Variants in MARCHF1 observed in about 807,000 individuals in gnomAD.
MARCHF1 encodes E3 ubiquitin-protein ligase MARCHF1.
A neutral mutation model predicts 54.2 loss-of-function variants in MARCHF1; 40 were observed. That is an observed-to-expected ratio of 0.74 (90% CI 0.57 to 0.96). MARCHF1 has a LOEUF of 0.96. MARCHF1 is among the 40% of genes least tolerant of loss of function. The probability of loss-of-function intolerance (pLI) is 0.00; values close to 1 mark genes in which losing one functional copy is unlikely to be tolerated. For missense variants in MARCHF1, 586 were observed against 656.5 expected (o/e 0.89, Z 1.17); for synonymous variants, 236 against 236.3 (o/e 1.00, Z 0.01).
At chr4:164,173,000 A>C (rs1000243040) in intron 1 of MARCHF1, among the ~76,000 whole-genome samples, 1 of 147,716 alleles carries the variant, frequency 6.8e-6, no homozygotes, top group African/African-American at 2.5e-5. Context: ...AAAAAAAGTC[A>C]CTGTAATAGT....
chr4:164,008,989 G>T (rs1478350186), intron 2 of MARCHF1, among the ~76,000 whole-genome samples: 1 of 151,756 alleles, frequency 6.6e-6, no homozygotes, highest in Non-Finnish European at 1.5e-5. Context: ...ATGAAATTGA[G>T]ACCAAAAAGT....
intron 1 of MARCHF1, among the ~76,000 whole-genome samples, chr4:164,320,821 G>T (rs1281318373): frequency 6.6e-6 from 1 of 152,088 alleles, no homozygotes; most frequent in Admixed American, 6.5e-5. Flanking sequence ...CTGGGGGGTT[G>T]TAGGTTGGGA....
At chr4:163,882,984 A>T (rs10030032) in intron 3 of MARCHF1, among the ~76,000 whole-genome samples, 1 of 152,044 alleles carries the variant, frequency 6.6e-6, no homozygotes, top group East Asian at 1.9e-4. Flanking sequence ...CTCAAATAAT[A>T]TATTTATTTC....
At chr4:163,977,974 A>G (rs1024614652) in intron 3 of MARCHF1, among the ~76,000 whole-genome samples, 1 of 152,254 alleles carries the variant, frequency 6.6e-6, no homozygotes, top group Non-Finnish European at 1.5e-5. Flanking sequence ...AATAGTTACC[A>G]AAATAACAAA....
intron 1 of MARCHF1, chr4:164,188,727 T>C: frequency 9.6e-7 from 1 of 1,038,532 alleles, no homozygotes; most frequent in African/African-American, 1.6e-5. Context: ...TTCTTGCGGT[T>C]CAAGGTAGTT....
chr4:163,962,332 T>G (rs1205308685), intron 3 of MARCHF1, among the ~76,000 whole-genome samples: 3 of 151,864 alleles, frequency 2.0e-5, no homozygotes, highest in African/African-American at 7.2e-5. Flanking sequence ...TGTGCTAGGT[T>G]CTAGTAAACA....
Position 163,627,028 on chromosome 4 carries a change from T to C in MARCHF1, c.163-13635A>G, listed in dbSNP as rs990933647. ...TGTGAAAAATTTATTTAATGTCTAA[T>C]AAAGATAAATTTTTAGAATGTACTT... is the stretch of plus-strand genomic sequence containing the variant. On this transcript the variant is annotated intron_variant, in intron 5 of 9. Coordinates refer to ENST00000514618, the MANE Select transcript of MARCHF1 (RefSeq NM_001394959.1). Among the ~76,000 whole-genome samples, 4 of 152,222 alleles carry C rather than the reference T, an allele frequency of 2.6e-5. No homozygotes were observed. In the East Asian group the frequency reaches 7.7e-4, roughly 29 times the overall value.
At chr4:163,629,689 G>C (rs1308997156) in intron 5 of MARCHF1, among the ~76,000 whole-genome samples, 1 of 151,920 alleles carries the variant, frequency 6.6e-6, no homozygotes, top group Admixed American at 6.6e-5. Context: ...CAGAATCTAA[G>C]GGGGCTAGGG....
At chr4:164,017,120 T>C (rs984823945) in intron 2 of MARCHF1, among the ~76,000 whole-genome samples, 1 of 152,042 alleles carries the variant, frequency 6.6e-6, no homozygotes, top group East Asian at 1.9e-4. Context: ...ATTAATGTAT[T>C]CCTTTATACT....
intron 2 of MARCHF1, among the ~76,000 whole-genome samples, chr4:163,998,331 T>C (rs556412746): frequency 6.6e-6 from 1 of 151,568 alleles, no homozygotes; most frequent in South Asian, 2.1e-4. Context: ...GATCTTTCAA[T>C]ACTCTAAAGC....
chr4:164,214,365 G>T (rs190674826), intron 1 of MARCHF1, among the ~76,000 whole-genome samples: 15 of 152,120 alleles, frequency 9.9e-5, no homozygotes, highest in Admixed American at 9.2e-4. Flanking sequence ...GTACTTGCAA[G>T]TCTACAATCC....
chr4:163,620,762 G>A (rs1317948740), intron 5 of MARCHF1, among the ~76,000 whole-genome samples: 1 of 152,108 alleles, frequency 6.6e-6, no homozygotes, highest in Non-Finnish European at 1.5e-5. Context: ...CTATCTGTTT[G>A]TGTATGCACA....
At chr4:164,179,752 T>C (rs1319648533) in intron 1 of MARCHF1, among the ~76,000 whole-genome samples, 3 of 151,864 alleles carry the variant, frequency 2.0e-5, no homozygotes, top group South Asian at 2.1e-4. Context: ...TTACTCTCCA[T>C]CTGGCAATAT....
chr4:164,224,025 A>G (rs892936453), intron 1 of MARCHF1, among the ~76,000 whole-genome samples: 3 of 149,880 alleles, frequency 2.0e-5, no homozygotes, highest in African/African-American at 7.4e-5. Context: ...TTACATTTCT[A>G]GCATTCTCTT....
At chr4:163,593,869 T>C (rs1167041396) in intron 7 of MARCHF1, among the ~76,000 whole-genome samples, 1 of 152,232 alleles carries the variant, frequency 6.6e-6, no homozygotes, top group Non-Finnish European at 1.5e-5. Context: ...TTTATTCATT[T>C]ATTCACTCAT....
intron 1 of MARCHF1, among the ~76,000 whole-genome samples, chr4:164,230,528 CTTT>C (rs1732387793): frequency 2.9e-4 from 7 of 23,752 alleles, no homozygotes; most frequent in African/African-American, 7.2e-4. Flanking sequence ...TTTACCTTTT[CTTT>C]GTGTTGAGAA....
At chr4:163,675,813 T>C (rs1400608438) in intron 5 of MARCHF1, among the ~76,000 whole-genome samples, 1 of 152,140 alleles carries the variant, frequency 6.6e-6, no homozygotes, top group South Asian at 2.1e-4. Flanking sequence ...AGTTTACTGT[T>C]CCCTGCTACA....
chr4:163,650,265 A>G (rs892466129), intron 5 of MARCHF1, among the ~76,000 whole-genome samples: 1 of 152,002 alleles, frequency 6.6e-6, no homozygotes, highest in East Asian at 1.9e-4. Flanking sequence ...TGCAACTAAT[A>G]AAAAGGATAA....
intron 2 of MARCHF1, among the ~76,000 whole-genome samples, chr4:163,990,066 G>GA (rs1484161850): frequency 1.3e-5 from 2 of 152,004 alleles, no homozygotes; most frequent in African/African-American, 2.4e-5. Flanking sequence ...GATAAAATGT[G>GA]AAAAAAGATC....
Sources: gnomAD v4.1 joint callset for allele counts (sites outside exome capture counted in the v4.1 genomes callset) on GRCh38, gnomAD v4.1.1 for gene constraint, MANE v1.5 for transcripts, NCBI Gene and HGNC (gene_info 2026-07-23, HGNC 2026-07-21) for gene names.